The following ZSCAN25 variants were observed in gnomAD, a reference collection of about 807,000 sequenced individuals.
The protein encoded by ZSCAN25 is zinc finger and SCAN domain-containing protein 25.
Under a neutral mutation model 38.7 loss-of-function variants are expected in ZSCAN25, and 27 were observed. The observed-to-expected ratio is 0.70, with a 90% CI of 0.51 to 0.96. The LOEUF is 0.96. Ranked by LOEUF, ZSCAN25 falls within the 40% of genes least tolerant of loss-of-function variation. The pLI is 0.00. For synonymous variants in ZSCAN25, 273 were observed against 277.7 expected (o/e 0.98, Z 0.17); for missense variants, 637 against 705.9 (o/e 0.90, Z 1.11).
downstream of ZSCAN25, among the ~76,000 whole-genome samples, chr7:99,634,452 G>A (rs998963818): frequency 1.3e-5 from 2 of 151,990 alleles, no homozygotes; most frequent in Non-Finnish European, 2.9e-5. Context: ...CCAGGAGTTC[G>A]AGACCAGCCT....
the ZSCAN25 span, chr7:99,647,655 CTA>C: frequency 1.0e-6 from 1 of 985,390 alleles, no homozygotes; most frequent in East Asian, 1.1e-4. Flanking sequence ...CAGAATGAAA[CTA>C]TGAATATTTT....
chr7:99,647,727 G>A, the ZSCAN25 span: 1 of 985,336 alleles, frequency 1.0e-6, no homozygotes, highest in East Asian at 1.1e-4. Context: ...TAATCAAATT[G>A]GAATTCTGAC....
At chr7:99,627,058 A>C (rs1807534493) in intron 7 of ZSCAN25, among the ~76,000 whole-genome samples, 1 of 152,246 alleles carries the variant, frequency 6.6e-6, no homozygotes, top group South Asian at 2.1e-4. Flanking sequence ...AGCTAAGACT[A>C]GTACAGGGAA....
At chr7:99,722,223 A>G in the ZSCAN25 span, 2 of 1,591,944 alleles carry the variant, frequency 1.3e-6, no homozygotes, top group Non-Finnish European at 1.7e-6. Context: ...CTGGGCTGAG[A>G]CTATCCTCTG....
At chr7:99,679,783 C>T in the ZSCAN25 span, 5 of 1,598,240 alleles carry the variant, frequency 3.1e-6, no homozygotes, top group Admixed American at 1.7e-5. Context: ...ATTAGCACCC[C>T]AAGTCCAAGG....
At chr7:99,666,663 T>G in the ZSCAN25 span, 1 of 1,613,994 alleles carries the variant, frequency 6.2e-7, no homozygotes, top group Non-Finnish European at 8.5e-7. Flanking sequence ...CCAATACATC[T>G]CCATACTGGG....
downstream of ZSCAN25, among the ~76,000 whole-genome samples, chr7:99,636,118 C>G (rs1233037558): frequency 6.6e-6 from 1 of 150,542 alleles, no homozygotes; most frequent in East Asian, 1.9e-4. Context: ...GCATTTATAC[C>G]TTTGTGCTTG....
chr7:99,684,049 C>T, the ZSCAN25 span, among the ~76,000 whole-genome samples: 1 of 152,022 alleles, frequency 6.6e-6, no homozygotes, highest in African/African-American at 2.4e-5. Flanking sequence ...TGTAAGAAAA[C>T]ATGTTTCCCA....
At chr7:99,701,935 CTT>C in the ZSCAN25 span, among the ~76,000 whole-genome samples, 113,791 of 151,994 alleles carry the variant, frequency 0.75, 46,205 homozygotes, top group Non-Finnish European at 0.91. Flanking sequence ...AGCACAGAAA[CTT>C]TTTAACTTGA....
the ZSCAN25 span, chr7:99,713,500 A>T: frequency 1.9e-6 from 3 of 1,613,496 alleles, no homozygotes; most frequent in East Asian, 2.2e-5. Flanking sequence ...TTGAATTCTG[A>T]GAGTCAATCA....
the ZSCAN25 span, among the ~76,000 whole-genome samples, chr7:99,639,222 T>G: frequency 6.6e-6 from 1 of 152,202 alleles, no homozygotes; most frequent in East Asian, 1.9e-4. Context: ...TTCTTAGCAT[T>G]CAGGATAATA....
At chr7:99,709,845 A>G in the ZSCAN25 span, among the ~76,000 whole-genome samples, 1 of 152,106 alleles carries the variant, frequency 6.6e-6, no homozygotes, top group East Asian at 1.9e-4. Context: ...TATACATAAA[A>G]TGTGGAGAGA....
At chr7:99,620,033 G>T in intron 4 of ZSCAN25, 40 bp downstream of exon 4, 1 of 1,560,012 alleles carries the variant, frequency 6.4e-7, no homozygotes, top group East Asian at 2.3e-5. Flanking sequence ...CCCTTGGCGT[G>T]GGCAGGGAAT....
At chr7:99,731,741 T>G in the ZSCAN25 span, among the ~76,000 whole-genome samples, 1 of 152,114 alleles carries the variant, frequency 6.6e-6, no homozygotes, top group Non-Finnish European at 1.5e-5. Flanking sequence ...CACAGAGAGG[T>G]CTTGGAGGAG....
At chr7:99,656,292 G>C in the ZSCAN25 span, among the ~76,000 whole-genome samples, 1 of 152,128 alleles carries the variant, frequency 6.6e-6, no homozygotes, top group Non-Finnish European at 1.5e-5. Context: ...TAGCATGAAG[G>C]GCTGTTGAAT....
the ZSCAN25 span, chr7:99,665,127 T>G: frequency 4.0e-6 from 6 of 1,501,778 alleles, no homozygotes; most frequent in Non-Finnish European, 5.5e-6. Flanking sequence ...AGAAAGCAGT[T>G]ATTTTTAAAA....
chr7:99,735,358 G>A, the ZSCAN25 span, among the ~76,000 whole-genome samples: 3 of 152,126 alleles, frequency 2.0e-5, no homozygotes, highest in African/African-American at 7.2e-5. Context: ...GACCTCCATT[G>A]AGTTAATATT....
At chr7:99,672,246 T>G in the ZSCAN25 span, among the ~76,000 whole-genome samples, 6 of 152,166 alleles carry the variant, frequency 3.9e-5, no homozygotes, top group Non-Finnish European at 8.8e-5. Flanking sequence ...GAGATGGGGT[T>G]TCACCATGTT....
the ZSCAN25 span, among the ~76,000 whole-genome samples, chr7:99,655,435 A>T: frequency 1.3e-5 from 2 of 152,134 alleles, no homozygotes; most frequent in East Asian, 3.9e-4. Context: ...TCCATTGATC[A>T]ATATCTCTGT....
Sources: gnomAD v4.1 joint callset for allele counts (sites outside exome capture counted in the v4.1 genomes callset) on GRCh38, gnomAD v4.1.1 for gene constraint, MANE v1.5 for transcripts, NCBI Gene and HGNC (gene_info 2026-07-23, HGNC 2026-07-21) for gene names.